Variants in OTOGL observed in about 807,000 individuals in gnomAD.
OTOGL encodes the protein otogelin like, also known as otogelin-like protein.
OTOGL carries 285 observed loss-of-function variants against 318.5 expected under a neutral mutation model. The observed-to-expected ratio is 0.89, with a 90% CI of 0.81 to 0.99. The LOEUF is 0.99. Among genes scored for constraint, OTOGL ranks in the 50% least tolerant of loss-of-function variants. The pLI, the probability that OTOGL is intolerant of heterozygous loss-of-function variation, is 0.00. For synonymous variants in OTOGL, 987 were observed against 936.5 expected, an observed-to-expected ratio of 1.05 and a Z score of -0.99; for missense variants, 2,899 against 2,845.6, an observed-to-expected ratio of 1.02 and a Z score of -0.43.
At chr12:80,143,162 A>G (rs984955716) in intron 1 of OTOGL, among the ~76,000 whole-genome samples, 3 of 152,160 alleles carry the variant, frequency 2.0e-5, no homozygotes, top group Non-Finnish European at 1.5e-5. Flanking sequence ...TAATGGAAAT[A>G]TACATTTTGC....
intron 44 of OTOGL, 67 bp downstream of exon 44, chr12:80,342,229 T>C: frequency 8.1e-7 from 1 of 1,234,882 alleles, no homozygotes; most frequent in Non-Finnish European, 1.1e-6. Flanking sequence ...GCCAATACGT[T>C]ACTGTTCTTG....
At chr12:80,297,047 C>G in intron 27 of OTOGL, 86 bp downstream of exon 27, 1 of 1,225,086 alleles carries the variant, frequency 8.2e-7, no homozygotes, top group Non-Finnish European at 1.1e-6. Context: ...CTACTCCTCT[C>G]TGTAAATGGT....
intron 1 of OTOGL, among the ~76,000 whole-genome samples, chr12:80,163,599 A>G (rs1452628697): frequency 1.3e-5 from 2 of 152,052 alleles, no homozygotes; most frequent in African/African-American, 2.4e-5. Context: ...TCAATTAAGG[A>G]TTGGCTGATC....
At chr12:80,152,783 G>C (rs1377158417) in intron 1 of OTOGL, among the ~76,000 whole-genome samples, 5 of 152,046 alleles carry the variant, frequency 3.3e-5, no homozygotes, top group Admixed American at 2.0e-4. Flanking sequence ...CCACCTCCCG[G>C]GTTTAAAAGA....
intron 32 of OTOGL, among the ~76,000 whole-genome samples, chr12:80,316,377 G>A (rs901202074): frequency 1.3e-5 from 2 of 152,064 alleles, no homozygotes; most frequent in African/African-American, 4.8e-5. Flanking sequence ...GTATTTTCTG[G>A]CATTTCTCCT....
chr12:80,299,159 C>T (rs1177892688), intron 27 of OTOGL, among the ~76,000 whole-genome samples: 1 of 152,160 alleles, frequency 6.6e-6, no homozygotes, highest in Non-Finnish European at 1.5e-5. Flanking sequence ...TAAAACATAA[C>T]TATGTTTCAG....
At chr12:80,334,824 G>T (rs1464594635) in intron 38 of OTOGL, among the ~76,000 whole-genome samples, 2 of 152,022 alleles carry the variant, frequency 1.3e-5, no homozygotes, top group African/African-American at 4.8e-5. Flanking sequence ...AATCCTCTGG[G>T]TGGTTCAGAT....
chr12:80,223,517 T>C (rs192995798), intron 7 of OTOGL, among the ~76,000 whole-genome samples: 19 of 152,224 alleles, frequency 1.2e-4, no homozygotes, highest in Non-Finnish European at 2.4e-4. Context: ...CTCTTTTTCA[T>C]AGTAGTTGTA....
chr12:80,170,178 GGT>G (rs532627744), intron 1 of OTOGL, among the ~76,000 whole-genome samples: 4,739 of 143,852 alleles, frequency 0.033, 80 homozygotes, highest in South Asian at 0.043. Flanking sequence ...CTTTGTCAGG[GGT>G]GTGTGTGTGT....
intron 28 of OTOGL, among the ~76,000 whole-genome samples, chr12:80,304,949 A>G (rs1050488578): frequency 2.6e-5 from 4 of 152,228 alleles, no homozygotes; most frequent in African/African-American, 7.2e-5. Context: ...TACATCTGCC[A>G]TAGCCACTTA....
chr12:80,251,542 A>G, intron 11 of OTOGL, 151 bp from the exon 12 acceptor site: 1 of 540,220 alleles, frequency 1.9e-6, no homozygotes, highest in Non-Finnish European at 3.2e-6. Context: ...GTTGTACTTA[A>G]TAAGATATAT....
chr12:80,329,033 A>G lies in OTOGL; in HGVS notation c.4280-18A>G, dbSNP rs1351151875. ...ATGCAAATACAGTTTTATAAAGAGC[A>G]CCTTTGTTTCTTTGTAGGTATACCT... is the stretch of plus-strand genomic sequence containing the variant. On this transcript the variant is annotated intron_variant, in intron 36 of 58. Coordinates refer to ENST00000547103, the MANE Select transcript of OTOGL (RefSeq NM_001378609.3). 6.3e-7 allele frequency: 1 copy of G among 1,579,940 alleles called. No individual in the cohort carries two copies. The highest frequency in any genetic ancestry group is 1.4e-5 in the African/African-American group (1 of 73,798).
At position 80,266,614 on chromosome 12, in the gene OTOGL, C is replaced by T. The variant is rs1191317344; in HGVS notation, c.2388C>T (p.Pro796=). 5 of 1,612,278 alleles carry T rather than the reference C, an allele frequency of 3.1e-6. No homozygotes were observed. Among genetic ancestry groups the T allele is most frequent in the East Asian group, 2.2e-5 (1 of 44,836 alleles). The part of the protein sequence containing the change: ...FYEDTLNFCV[P]IFHCRCHYRG... ...AAGACACTCTTAACTTTTGTGTACC[C>T]ATGTAAGTCGTAGAAACAGGTTGGC... is the stretch of plus-strand genomic sequence containing the variant. Residue 796 remains proline (P), a splice_region_variant and synonymous_variant, in exon 21 of 59, where the codon CCC becomes CCT. Transcript: ENST00000547103.
At chr12:80,273,167 G>C (rs1883540367) in intron 24 of OTOGL, among the ~76,000 whole-genome samples, 1 of 151,990 alleles carries the variant, frequency 6.6e-6, no homozygotes, top group Non-Finnish European at 1.5e-5. Context: ...TACCTTCTCT[G>C]ACTGTATTGA....
Position 80,339,243 on chromosome 12 carries a change from T to C in OTOGL, c.5029T>C (p.Ser1677Pro). 1 of 1,594,856 alleles carries C rather than the reference T, an allele frequency of 6.3e-7. No individual in the cohort carries two copies. Among genetic ancestry groups the C allele is most frequent in the South Asian group, 1.1e-5 (1 of 90,782 alleles). Residue 1677 changes from serine (S) to proline (P), a missense_variant, in exon 43 of 59, where the codon TCC (serine) becomes CCC (proline). Physicochemically the swap from Ser to Pro is moderately conservative, Grantham distance 74 (BLOSUM62 -1). This residue lies in a region of OTOGL where 2,607 missense variants were observed against 2,524.9 expected (regional missense o/e 1.03). Transcript: ENST00000547103. ...TTTTGGCTTCCGATTTAACTTGTCA[T>C]CCTACACAGAAGGACTCTGTGGTGA... ...IHFGFRFNLS[S>P]YTEGLCGICN...
intron 29 of OTOGL, among the ~76,000 whole-genome samples, chr12:80,307,864 G>A (rs1886293895): frequency 3.5e-5 from 5 of 141,022 alleles, no homozygotes; most frequent in African/African-American, 8.8e-5. Context: ...GGCCGGGCGG[G>A]GGGCTGACCC....
chr12:80,309,976 C>T (rs112095522), intron 29 of OTOGL, among the ~76,000 whole-genome samples: 9 of 151,936 alleles, frequency 5.9e-5, no homozygotes, highest in African/African-American at 1.7e-4. Flanking sequence ...GGAGGGAGAA[C>T]GAGATTAGGG....
At chr12:80,228,623 C>G (rs960049857) in intron 7 of OTOGL, among the ~76,000 whole-genome samples, 3 of 152,062 alleles carry the variant, frequency 2.0e-5, no homozygotes, top group African/African-American at 7.2e-5. Context: ...GACATTTATA[C>G]TTTACTTTTT....
chr12:80,159,668 G>A (rs181725127), intron 1 of OTOGL, among the ~76,000 whole-genome samples: 43 of 151,964 alleles, frequency 2.8e-4, no homozygotes, highest in African/African-American at 7.5e-4. Context: ...GAAAATGACC[G>A]TACTACCAAA....
Sources: allele counts gnomAD v4.1 joint callset (sites outside exome capture counted in the v4.1 genomes callset), GRCh38; gene constraint gnomAD v4.1.1; regional missense constraint gnomAD v4.1.1; transcripts MANE v1.5; gene names NCBI Gene and HGNC (gene_info 2026-07-23, HGNC 2026-07-21).